RAVER2: variants seen among roughly 807,000 people sequenced by gnomAD.
The protein encoded by RAVER2 is ribonucleoprotein, PTB binding 2, also known as ribonucleoprotein PTB-binding 2.
Under a neutral mutation model 78.1 loss-of-function variants are expected in RAVER2, and 46 were observed. The ratio of observed to expected loss-of-function variants is 0.59; its 90% confidence interval spans 0.46 to 0.75. RAVER2 has a LOEUF of 0.75. RAVER2 is among the 30% of genes least tolerant of loss of function. RAVER2 has a pLI of 0.00. For missense variants in RAVER2, 793 were observed against 837.5 expected, an observed-to-expected ratio of 0.95 and a Z score of 0.66; for synonymous variants, 311 against 313.3, an observed-to-expected ratio of 0.99 and a Z score of 0.08.
intron 5 of RAVER2, among the ~76,000 whole-genome samples, chr1:64,798,504 C>T (rs1653165303): frequency 6.6e-6 from 1 of 151,868 alleles, no homozygotes; most frequent in Non-Finnish European, 1.5e-5. Flanking sequence ...GCCACACTGA[C>T]TTCCACAATG....
chr1:64,779,178 A>G (rs1231265775), intron 3 of RAVER2, among the ~76,000 whole-genome samples: 1 of 151,902 alleles, frequency 6.6e-6, no homozygotes, highest in South Asian at 2.1e-4. Context: ...CAAGAATACA[A>G]TATGTTGTTA....
intron 1 of RAVER2, among the ~76,000 whole-genome samples, chr1:64,761,334 C>T (rs560050509): frequency 6.6e-6 from 1 of 152,104 alleles, no homozygotes; most frequent in Admixed American, 6.6e-5. Context: ...TGGGCCCCCC[C>T]CAAAATTCAT....
At chr1:64,812,881 G>A (rs1653656833) in intron 10 of RAVER2, 32 bp downstream of exon 10, 1 of 1,446,130 alleles carries the variant, frequency 6.9e-7, no homozygotes, top group African/African-American at 1.4e-5. Context: ...TTGTTGTGGA[G>A]TTTTACTGAA....
chr1:64,785,746 C>G (rs1272278874), intron 4 of RAVER2, among the ~76,000 whole-genome samples: 2 of 152,110 alleles, frequency 1.3e-5, no homozygotes, highest in Non-Finnish European at 2.9e-5. Context: ...CCATCTGCTT[C>G]CTCCTTCCTA....
intron 11 of RAVER2, among the ~76,000 whole-genome samples, chr1:64,826,239 A>G (rs984346565): frequency 9.9e-5 from 15 of 152,254 alleles, no homozygotes; most frequent in Non-Finnish European, 1.8e-4. Context: ...TAAGAATGGA[A>G]CTTACATTTA....
At chr1:64,810,239 G>A (rs1653567306) in intron 9 of RAVER2, among the ~76,000 whole-genome samples, 1 of 152,140 alleles carries the variant, frequency 6.6e-6, no homozygotes, top group Non-Finnish European at 1.5e-5. Flanking sequence ...GCCAACGCTT[G>A]TTTTCTGTTT....
intron 1 of RAVER2, among the ~76,000 whole-genome samples, chr1:64,759,599 C>G (rs759601060): frequency 1.3e-5 from 2 of 151,172 alleles, no homozygotes; most frequent in Non-Finnish European, 2.9e-5. Flanking sequence ...TCACTGCAAG[C>G]TTTGCCTCCC....
intron 2 of RAVER2, among the ~76,000 whole-genome samples, chr1:64,773,319 T>C (rs1471346240): frequency 2.6e-5 from 4 of 152,124 alleles, no homozygotes; most frequent in Non-Finnish European, 5.9e-5. Context: ...GTATTTCTCC[T>C]AATGCTATCC....
At chr1:64,770,873 A>G (rs1652297437) in intron 2 of RAVER2, among the ~76,000 whole-genome samples, 1 of 151,984 alleles carries the variant, frequency 6.6e-6, no homozygotes, top group Non-Finnish European at 1.5e-5. Flanking sequence ...ACAATGATGT[A>G]AGTGATCCAA....
At chr1:64,797,583 T>C (rs1653129796) in intron 5 of RAVER2, among the ~76,000 whole-genome samples, 1 of 152,216 alleles carries the variant, frequency 6.6e-6, no homozygotes, top group Non-Finnish European at 1.5e-5. Flanking sequence ...TTTTGCTTCA[T>C]ATATTTTGAA....
At chr1:64,818,800 G>A (rs941250443) in intron 11 of RAVER2, among the ~76,000 whole-genome samples, 2 of 152,118 alleles carry the variant, frequency 1.3e-5, no homozygotes, top group Non-Finnish European at 2.9e-5. Flanking sequence ...GGGGGACATC[G>A]TGGAAAAGAG....
chr1:64,819,351 A>T (rs1217636914), intron 11 of RAVER2, among the ~76,000 whole-genome samples: 2 of 152,182 alleles, frequency 1.3e-5, no homozygotes, highest in East Asian at 3.8e-4. Flanking sequence ...TCTGAAATAA[A>T]TACACTAGAT....
chr1:64,745,780 G>A lies in RAVER2; in HGVS notation c.249+359G>A, dbSNP rs917985244. Among the ~76,000 whole-genome samples the A allele has an allele frequency of 6.6e-6, 1 of 151,754 alleles. No individual in the cohort carries two copies. The highest frequency in any genetic ancestry group is 2.4e-5 in the African/African-American group (1 of 41,322). The stretch of plus-strand genomic sequence containing the variant: ...TGTGGAGCACACATTTTGCGGGGGG[G>A]AGCGGGGGTAGAGGGGGCCGAAGCT... On this transcript the variant is annotated intron_variant, in intron 1 of 11. Transcript: ENST00000294428. The surrounding 1 kb of genome is among the most constrained non-coding windows in gnomAD (Gnocchi z 4.3).
chr1:64,802,952 GT>G, intron 5 of RAVER2, 23 bp from the exon 6 acceptor site: 1 of 1,539,488 alleles, frequency 6.5e-7, no homozygotes, highest in African/African-American at 1.4e-5. Flanking sequence ...ATAAATTAAA[GT>G]TTTTACTTTT....
At position 64,810,449 on chromosome 1, in the gene RAVER2, T is replaced by C. The variant is rs1414302874; in HGVS notation, c.1681-2289T>C. Among the ~76,000 whole-genome samples, 5 of 152,306 alleles carry C rather than the reference T, an allele frequency of 3.3e-5. No homozygotes were observed. In the East Asian group the frequency reaches 7.7e-4, roughly 23 times the overall value. On this transcript the variant is annotated intron_variant, in intron 9 of 11. Transcript: ENST00000294428. ...CATGGTAAAAGGCTGGAGCAAGACC[T>C]TTCATGTCTCTTCTTATAAGAGCAC...
In RAVER2 at chr1:64,745,962, T is replaced by C. The variant is rs1274380252; in HGVS notation, c.249+541T>C. On this transcript the variant is annotated intron_variant, in intron 1 of 11. Transcript: ENST00000294428. The surrounding 1 kb of genome is among the most constrained non-coding windows in gnomAD (Gnocchi z 4.3). ...CTATGAAACAACTCTGTCTTCTCAG[T>C]TTGCTAAGGCCCCAGAATAGAGTTA... is the stretch of plus-strand genomic sequence containing the variant. Among the ~76,000 whole-genome samples the C allele has an allele frequency of 6.6e-6, 1 of 152,168 alleles. No individual in the cohort carries two copies. The highest frequency in any genetic ancestry group is 1.5e-5 in the Non-Finnish European group (1 of 68,030).
At chr1:64,777,389 A>G (rs746375625) in intron 2 of RAVER2, among the ~76,000 whole-genome samples, 1 of 152,138 alleles carries the variant, frequency 6.6e-6, no homozygotes, top group Non-Finnish European at 1.5e-5. Flanking sequence ...TGTACTTTCT[A>G]TTTTGGGTTA....
chr1:64,804,292 C>G (rs566133903), intron 6 of RAVER2, among the ~76,000 whole-genome samples: 1 of 152,162 alleles, frequency 6.6e-6, no homozygotes, highest in East Asian at 1.9e-4. Context: ...CATGTGATTA[C>G]CATGTGTAAT....
exon 9 of RAVER2, chr1:64,807,255 G>T (rs1412273966): frequency 6.2e-7 from 1 of 1,614,040 alleles, no homozygotes; most frequent in East Asian, 2.2e-5. Context: ...GAATGGGCAT[G>T]TTACCATTCT....
Sources: gnomAD v4.1 joint callset for allele counts (sites outside exome capture counted in the v4.1 genomes callset) on GRCh38, gnomAD v4.1.1 for gene constraint, Gnocchi (gnomAD v3.1) non-coding constraint, MANE v1.5 for transcripts, NCBI Gene and HGNC (gene_info 2026-07-23, HGNC 2026-07-21) for gene names.